RAP1GDS1: variants seen among roughly 807,000 people sequenced by gnomAD.
The protein encoded by RAP1GDS1 is Rap1 GTPase-GDP dissociation stimulator 1.
In RAP1GDS1, 35 loss-of-function variants were observed where a neutral mutation model predicts 71.1. The observed-to-expected ratio is 0.49, with a 90% CI of 0.38 to 0.65. The LOEUF (loss-of-function observed/expected upper bound fraction) is 0.65. RAP1GDS1 is among the 30% of genes least tolerant of loss of function. The pLI is 0.00. For synonymous variants in RAP1GDS1, 229 were observed against 243.1 expected (o/e 0.94, Z 0.54); for missense variants, 663 against 706.1 (o/e 0.94, Z 0.69).
At chr4:98,269,477 C>T (rs1255356936) in intron 1 of RAP1GDS1, among the ~76,000 whole-genome samples, 8 of 152,110 alleles carry the variant, frequency 5.3e-5, no homozygotes, top group African/African-American at 1.9e-4. Flanking sequence ...ACAAATGGGA[C>T]TTCATCAAAT....
Position 98,443,524 on chromosome 4 carries a change from C to A in RAP1GDS1, c.*1407C>A. 1 of 227,866 alleles carries A rather than the reference C, an allele frequency of 4.4e-6. No homozygotes were observed. The highest frequency in any genetic ancestry group is 8.7e-6 in the Non-Finnish European group (1 of 114,686). The allele number at this position is 227,866 out of a possible 1,614,324, so 14.1% of individuals were successfully genotyped here. On this transcript the variant is annotated 3_prime_UTR_variant, in exon 15 of 15. Coordinates refer to ENST00000408927, the MANE Select transcript of RAP1GDS1 (RefSeq NM_001100427.2). ...AAGGACTGCAAGACAGTAGAAAGGG[C>A]TGCCACGGAGGTGACAGTAGCTCCT... is the stretch of plus-strand genomic sequence containing the variant.
At chr4:98,371,607 G>A (rs7661768) in intron 4 of RAP1GDS1, among the ~76,000 whole-genome samples, 3,815 of 152,074 alleles carry the variant, frequency 0.025, 155 homozygotes, top group African/African-American at 0.087. Flanking sequence ...CTCCCGAGTA[G>A]CTGGGATTAT....
chr4:98,389,003 G>A (rs901661476), intron 5 of RAP1GDS1, among the ~76,000 whole-genome samples: 1 of 140,216 alleles, frequency 7.1e-6, no homozygotes, highest in African/African-American at 3.1e-5. Context: ...AAGAATAGCA[G>A]TTTGTTTTAC....
intron 4 of RAP1GDS1, among the ~76,000 whole-genome samples, chr4:98,372,658 G>C (rs747267996): frequency 3.9e-5 from 6 of 151,996 alleles, no homozygotes; most frequent in Non-Finnish European, 7.4e-5. Context: ...TTTTACATAT[G>C]TTAGAAATCC....
intron 1 of RAP1GDS1, 34 bp downstream of exon 1, chr4:98,261,603 C>T (rs1364032202): frequency 1.3e-6 from 2 of 1,594,376 alleles, no homozygotes; most frequent in Non-Finnish European, 1.7e-6. Flanking sequence ...CATCGCCTGA[C>T]ATTTTTTTCT....
intron 4 of RAP1GDS1, among the ~76,000 whole-genome samples, chr4:98,366,422 C>CT (rs1319513049): frequency 6.6e-6 from 1 of 152,130 alleles, no homozygotes; most frequent in Non-Finnish European, 1.5e-5. Flanking sequence ...TTGGGTATGT[C>CT]TTTATCAGCA....
At chr4:98,280,215 A>G (rs1724854006) in intron 1 of RAP1GDS1, among the ~76,000 whole-genome samples, 1 of 152,214 alleles carries the variant, frequency 6.6e-6, no homozygotes, top group Non-Finnish European at 1.5e-5. Context: ...ACTAGTTTAC[A>G]GTCCCACCAA....
chr4:98,283,459 T>A (rs576685362), intron 1 of RAP1GDS1, among the ~76,000 whole-genome samples: 1 of 152,254 alleles, frequency 6.6e-6, no homozygotes, highest in African/African-American at 2.4e-5. Context: ...TTAGGCATTA[T>A]AAACAGTGAC....
In RAP1GDS1 at chr4:98,417,442, A is replaced by T; in HGVS notation, c.983A>T (p.Asn328Ile). 6.2e-7 allele frequency: 1 copy of T among 1,613,940 alleles called. No homozygotes were observed. The change falls in exon 9 of 15, where the codon AAT becomes ATT. Residue 328 changes from asparagine (N) to isoleucine (I), a missense_variant. Physicochemically the swap from Asn to Ile is moderately radical, Grantham distance 149 (BLOSUM62 -3). Coordinates refer to ENST00000408927, the MANE Select transcript of RAP1GDS1 (RefSeq NM_001100427.2). ...AGGGTACTCTCTTGGATCCCATCAA[A>T]TAACCACCAGCTACAGCTTGCTGGA... ...FQRVLSWIPSNNHQLQLAGAL... is the reference protein window; with the variant it reads ...FQRVLSWIPSINHQLQLAGAL...
At chr4:98,279,332 T>A (rs915814118) in intron 1 of RAP1GDS1, among the ~76,000 whole-genome samples, 23 of 151,998 alleles carry the variant, frequency 1.5e-4, no homozygotes, top group Non-Finnish European at 3.2e-4. Flanking sequence ...TCTATAACAT[T>A]TAAAATAACT....
chr4:98,341,559 T>A (rs1735506181), intron 2 of RAP1GDS1, among the ~76,000 whole-genome samples: 1 of 152,232 alleles, frequency 6.6e-6, no homozygotes, highest in South Asian at 2.1e-4. Flanking sequence ...TATGCCAGAC[T>A]CTTGCTGTCA....
At position 98,436,277 on chromosome 4, in the gene RAP1GDS1, C is replaced by T. The variant is rs544970947; in HGVS notation, c.1568-663C>T. Reference sequence around the variant, plus strand: ...TATTTCTGGGTCTTCCATTCAGTGCCTTTGACATAAGTGCCTATGTTGCCA... The same window carrying T: ...TATTTCTGGGTCTTCCATTCAGTGCTTTTGACATAAGTGCCTATGTTGCCA... On this transcript the variant is annotated intron_variant, in intron 13 of 14. Transcript: ENST00000408927. Among the ~76,000 whole-genome samples the T allele has an allele frequency of 2.0e-5, 3 of 152,138 alleles. No individual in the cohort carries two copies. The East Asian group carries it at 5.8e-4, about 29-fold the overall frequency.
chr4:98,384,846 C>T (rs534149961), intron 5 of RAP1GDS1, among the ~76,000 whole-genome samples: 2 of 151,680 alleles, frequency 1.3e-5, no homozygotes, highest in East Asian at 3.9e-4. Context: ...TATATTATTA[C>T]AGGAATAATA....
intron 2 of RAP1GDS1, among the ~76,000 whole-genome samples, chr4:98,323,113 A>T (rs1052261361): frequency 1.0e-4 from 15 of 150,656 alleles, no homozygotes; most frequent in African/African-American, 3.7e-4. Flanking sequence ...CCACAGAAAT[A>T]CAAACTACCA....
At chr4:98,312,544 C>A (rs1373537100) in intron 2 of RAP1GDS1, among the ~76,000 whole-genome samples, 4 of 152,096 alleles carry the variant, frequency 2.6e-5, no homozygotes, top group Non-Finnish European at 5.9e-5. Flanking sequence ...GAGGTTGATA[C>A]TATTTTTTTC....
At position 98,392,471 on chromosome 4, in the gene RAP1GDS1, TC is replaced by T; in HGVS notation, c.637+392del. Among the ~76,000 whole-genome samples the T allele has an allele frequency of 2.0e-5, 3 of 152,338 alleles. No individual in the cohort carries two copies. In the East Asian group the frequency reaches 5.8e-4, roughly 29 times the overall value. On this transcript the variant is annotated intron_variant, in intron 6 of 14. Coordinates refer to ENST00000408927, the MANE Select transcript of RAP1GDS1 (RefSeq NM_001100427.2). ...GGCTTGTGCCTGTGGTTCCAGCACT[TC>T]GGAAGGCCGAGGTGGGTGGATTGCT...
chr4:98,403,318 G>A (rs1281508206), intron 6 of RAP1GDS1, among the ~76,000 whole-genome samples: 3 of 152,164 alleles, frequency 2.0e-5, no homozygotes, highest in Non-Finnish European at 4.4e-5. Flanking sequence ...GACATTGAGA[G>A]GAGAATTGGA....
chr4:98,283,436 C>A (rs577791494), intron 1 of RAP1GDS1, among the ~76,000 whole-genome samples: 2 of 152,004 alleles, frequency 1.3e-5, no homozygotes, highest in Admixed American at 1.3e-4. Context: ...ATGAGCAACA[C>A]AAGACTACCA....
chr4:98,369,279 GA>G (rs1740002001), intron 4 of RAP1GDS1, among the ~76,000 whole-genome samples: 1 of 152,108 alleles, frequency 6.6e-6, no homozygotes, highest in Non-Finnish European at 1.5e-5. Context: ...TACAGTATAT[GA>G]AAACTTCTTA....
Sources: allele counts gnomAD v4.1 joint callset (sites outside exome capture counted in the v4.1 genomes callset), GRCh38; gene constraint gnomAD v4.1.1; transcripts MANE v1.5; gene names NCBI Gene and HGNC (gene_info 2026-07-23, HGNC 2026-07-21).